MROH9: variants seen among roughly 807,000 people sequenced by gnomAD.
MROH9 encodes maestro heat-like repeat-containing protein family member 9.
A neutral mutation model predicts 98.2 loss-of-function variants in MROH9; 92 were observed. The observed-to-expected ratio is 0.94, with a 90% confidence interval of 0.79 to 1.11. The LOEUF is 1.11. Among genes scored for constraint, MROH9 ranks in the 50% most tolerant of loss-of-function variants. The pLI is 0.00. For missense variants in MROH9, 1,057 were observed against 1,014.8 expected (o/e 1.04, Z -0.57); for synonymous variants, 397 against 368.9 (o/e 1.08, Z -0.87).
intron 7 of MROH9, among the ~76,000 whole-genome samples, chr1:170,970,752 G>A (rs150683013): frequency 0.071 from 10,408 of 146,906 alleles, 426 homozygotes; most frequent in Middle Eastern, 0.11. Context: ...GAGAGAGAGA[G>A]AGAGAGAGAG....
At chr1:170,935,983 A>AG (rs1648864591) in intron 1 of MROH9, among the ~76,000 whole-genome samples, 1 of 48,318 alleles carries the variant, frequency 2.1e-5, no homozygotes, top group African/African-American at 1.8e-4. Flanking sequence ...AGAGTGAGAC[A>AG]AAAAAAAAAA....
intron 20 of MROH9, among the ~76,000 whole-genome samples, chr1:171,029,519 T>C (rs992990368): frequency 2.0e-5 from 3 of 152,216 alleles, no homozygotes; most frequent in African/African-American, 4.8e-5. Flanking sequence ...TTGAATTTTA[T>C]CAAACGCCTT....
intron 20 of MROH9, among the ~76,000 whole-genome samples, chr1:171,057,970 GA>G (rs397960610): frequency 1.4e-4 from 21 of 151,800 alleles, no homozygotes; most frequent in Admixed American, 2.6e-4. Flanking sequence ...AATATGGGGG[GA>G]AAAAAACACC....
intron 13 of MROH9, among the ~76,000 whole-genome samples, chr1:170,996,285 G>A (rs73038209): frequency 0.09 from 13,632 of 152,110 alleles, 784 homozygotes; most frequent in African/African-American, 0.16. Context: ...GGTGTTCTGC[G>A]ATTGATGCTA....
At chr1:170,996,405 A>T (rs1181800687) in intron 13 of MROH9, 102 bp from the exon 14 acceptor site, 1 of 1,315,024 alleles carries the variant, frequency 7.6e-7, no homozygotes, top group East Asian at 2.4e-5. Context: ...CTTTCTCAAA[A>T]CCTATATTCT....
At chr1:171,014,043 A>T in intron 15 of MROH9, 74 bp from the exon 16 acceptor site, 2 of 1,264,468 alleles carry the variant, frequency 1.6e-6, no homozygotes, top group Non-Finnish European at 2.2e-6. Context: ...TACCTAGAAT[A>T]TCTTGATTTT....
At chr1:171,018,534 T>C (rs1464044273) in intron 17 of MROH9, among the ~76,000 whole-genome samples, 1 of 152,070 alleles carries the variant, frequency 6.6e-6, no homozygotes, top group Non-Finnish European at 1.5e-5. Context: ...AGCAAGGACA[T>C]AGAACTGGAC....
At chr1:170,966,313 C>T (rs935335360) in intron 7 of MROH9, among the ~76,000 whole-genome samples, 5 of 152,082 alleles carry the variant, frequency 3.3e-5, no homozygotes, top group African/African-American at 4.8e-5. Flanking sequence ...CTTTGAATGA[C>T]ATCATGGCCT....
At chr1:170,988,450 A>G (rs1651232357) in intron 10 of MROH9, among the ~76,000 whole-genome samples, 1 of 152,164 alleles carries the variant, frequency 6.6e-6, no homozygotes, top group Non-Finnish European at 1.5e-5. Flanking sequence ...TGAAGTGGGA[A>G]AGAGCACTCA....
intron 11 of MROH9, 112 bp downstream of exon 11, chr1:170,990,115 T>C: frequency 8.8e-7 from 1 of 1,135,608 alleles, no homozygotes; most frequent in Non-Finnish European, 1.2e-6. Flanking sequence ...GGTTTCTTTT[T>C]TCTGAAAGAG....
intron 6 of MROH9, among the ~76,000 whole-genome samples, chr1:170,962,415 A>G (rs150211230): frequency 6.6e-6 from 1 of 152,266 alleles, no homozygotes; most frequent in East Asian, 1.9e-4. Flanking sequence ...TACCTAAAGA[A>G]GGCCTAACAA....
At chr1:170,959,645 C>T in intron 5 of MROH9, 48 bp downstream of exon 5, 1 of 1,557,444 alleles carries the variant, frequency 6.4e-7, no homozygotes, top group Non-Finnish European at 8.7e-7. Flanking sequence ...TTACACATCA[C>T]AGCAATCCTG....
chr1:170,970,731 T>TGTGTGTGTGAGA (rs1491154307), intron 7 of MROH9, among the ~76,000 whole-genome samples: 37 of 90,870 alleles, frequency 4.1e-4, no homozygotes, highest in Non-Finnish European at 7.0e-4. Context: ...TGTGTGTGTG[T>TGTGTGTGTGAGA]GAGAGAGAGA....
chr1:171,056,945 C>A (rs914257653), intron 20 of MROH9, among the ~76,000 whole-genome samples: 1 of 152,194 alleles, frequency 6.6e-6, no homozygotes, highest in Non-Finnish European at 1.5e-5. Flanking sequence ...AAAGTCCTCA[C>A]AAAAACTTCA....
intron 1 of MROH9, among the ~76,000 whole-genome samples, chr1:170,942,926 C>T (rs1024128246): frequency 2.0e-5 from 3 of 152,104 alleles, no homozygotes; most frequent in African/African-American, 7.2e-5. Context: ...TCTAATGCTG[C>T]CAGGAGGGTA....
At chr1:171,037,443 T>C (rs979657209) in intron 20 of MROH9, among the ~76,000 whole-genome samples, 9 of 151,942 alleles carry the variant, frequency 5.9e-5, no homozygotes, top group African/African-American at 2.2e-4. Context: ...ATTGCAAACA[T>C]TACTGAAGGA....
At chr1:171,060,834 A>G (rs1653988607) in intron 20 of MROH9, among the ~76,000 whole-genome samples, 1 of 152,204 alleles carries the variant, frequency 6.6e-6, no homozygotes, top group Admixed American at 6.5e-5. Context: ...CATTTCCTGA[A>G]CAGGACCTCA....
chr1:170,938,062 C>T (rs139326544), intron 1 of MROH9, among the ~76,000 whole-genome samples: 1 of 152,284 alleles, frequency 6.6e-6, no homozygotes, highest in African/African-American at 2.4e-5. Flanking sequence ...CTCTTCCTTG[C>T]CTCCATTATG....
Position 170,995,417 on chromosome 1 carries a change from C to T in MROH9, c.1223C>T (p.Pro408Leu), listed in dbSNP as rs769284678. Residue 408 changes from proline (P) to leucine (L), a missense_variant, in exon 13 of 22, where the codon CCT becomes CTT. Coordinates refer to ENST00000367759, the MANE Select transcript of MROH9 (RefSeq NM_001163629.2). ...AACQALCTFL[P>L]LGSYRKAVAQ... is the part of the protein sequence containing the mutation. Reference sequence around the variant, plus strand: ...TGCCAGGCCCTGTGCACCTTTCTGCCTCTTGGTTCCTACAGGAAAGCGGTG... The same window carrying T: ...TGCCAGGCCCTGTGCACCTTTCTGCTTCTTGGTTCCTACAGGAAAGCGGTG... 2.0e-5 allele frequency: 32 copies of T among 1,613,250 alleles called. No individual in the cohort carries two copies. Among genetic ancestry groups the T allele is most frequent in the African/African-American group, 2.7e-5 (2 of 74,840 alleles).
Sources: gnomAD v4.1 joint callset for allele counts (sites outside exome capture counted in the v4.1 genomes callset) on GRCh38, gnomAD v4.1.1 for gene constraint, MANE v1.5 for transcripts, NCBI Gene and HGNC (gene_info 2026-07-23, HGNC 2026-07-21) for gene names.